IGSF9: variants seen among roughly 807,000 people sequenced by gnomAD.
The protein encoded by IGSF9 is immunoglobulin superfamily member 9.
IGSF9 carries 87 observed loss-of-function variants against 121.7 expected under a neutral mutation model. The observed-to-expected ratio is 0.71, with a 90% confidence interval of 0.60 to 0.85. IGSF9 has a LOEUF of 0.85. IGSF9 is among the 40% of genes least tolerant of loss of function. The pLI is 0.00. For missense variants in IGSF9, 1,462 were observed against 1,565.3 expected (o/e 0.93, Z 1.11); for synonymous variants, 640 against 648.4 (o/e 0.99, Z 0.20).
chr1:159,928,135 G>T (rs1245534277), intron 19 of IGSF9, 23 bp downstream of exon 19: 1 of 1,598,644 alleles, frequency 6.3e-7, no homozygotes, highest in Admixed American at 1.7e-5. Context: ...GCGGAGGCAG[G>T]GATGGGCAGG....
rs187738116 is a variant in IGSF9 at position 159,938,634 on chromosome 1, C to T, written c.248-796G>A. Among the ~76,000 whole-genome samples the T allele has an allele frequency of 3.6e-3, 544 of 152,342 alleles. 16 individuals carry two copies. The highest frequency in any genetic ancestry group is 0.032 in the Admixed American group (494 of 15,302). ...CCCAGACAGCTTCATGGGTCCCTGG[C>T]AGTGTAGCCTCGTGATACAAGCACA... On this transcript the variant is annotated intron_variant, in intron 3 of 20. Transcript: ENST00000368094.
chr1:159,932,286 C>T lies in IGSF9; in HGVS notation c.1245+226G>A. 1.7e-6 allele frequency: 1 copy of T among 594,470 alleles called. No individual in the cohort carries two copies. Among genetic ancestry groups the T allele is most frequent in the Non-Finnish European group, 3.0e-6 (1 of 334,674 alleles). The allele number at this position is 594,470 out of a possible 1,614,324, so 36.8% of individuals were successfully genotyped here. Reference sequence around the variant, plus strand: ...GTGAGAGTTGGGGCAAACAGGATATCTTACTTCTGGATGTGTGTGACTGAT... The same window carrying T: ...GTGAGAGTTGGGGCAAACAGGATATTTTACTTCTGGATGTGTGTGACTGAT... On this transcript the variant is annotated intron_variant, in intron 10 of 20. Coordinates refer to ENST00000368094, the MANE Select transcript of IGSF9 (RefSeq NM_001135050.2). This position sits in a 1 kb window ranked among gnomAD's most constrained non-coding sequence, Gnocchi z 4.1.
chr1:159,928,894 C>A lies in IGSF9; in HGVS notation c.2494G>T (p.Asp832Tyr), dbSNP rs759663806. 4.4e-6 allele frequency: 7 copies of A among 1,594,824 alleles called. No individual in the cohort carries two copies. Among genetic ancestry groups the A allele is most frequent in the Admixed American group, 1.8e-5 (1 of 57,050 alleles). ...AAGGGTCCCCGGCTAGATGGAGGAT[C>A]CGGGTGGGGGCTGGGAGTTCCGGCA... Reference protein sequence around the residue: ...DPAGTPSPHPDPPSSRGPLPL... With the variant: ...DPAGTPSPHPYPPSSRGPLPL... The change falls in exon 19 of 21, where the codon GAT (aspartate) becomes TAT (tyrosine). Residue 832 changes from aspartate (D) to tyrosine (Y), a missense_variant. By Grantham distance (160) the Asp-to-Tyr change is radical (BLOSUM62 -3). Transcript: ENST00000368094.
chr1:159,943,263 C>T (rs41264841), intron 2 of IGSF9, 112 bp from the exon 3 acceptor site: 171,539 of 1,305,600 alleles, frequency 0.13, 12,276 homozygotes, highest in Middle Eastern at 0.15. Flanking sequence ...CTGGAGAAAC[C>T]CCCAGTTCAG....
chr1:159,927,932 A>G (rs1472122331), intron 19 of IGSF9, 45 bp from the exon 20 acceptor site: 5 of 1,592,422 alleles, frequency 3.1e-6, no homozygotes, highest in Non-Finnish European at 3.4e-6. Context: ...TGGGTGGAGG[A>G]ATAGAGGCTG....
chr1:159,938,414 C>T (rs910025688), intron 3 of IGSF9, among the ~76,000 whole-genome samples: 5 of 152,180 alleles, frequency 3.3e-5, no homozygotes, highest in Admixed American at 1.3e-4. Flanking sequence ...GCAGCCTCCT[C>T]GCCCTATCCT....
At position 159,929,724 on chromosome 1, in the gene IGSF9, C is replaced by T. The variant is rs548722737; in HGVS notation, c.2240G>A (p.Gly747Glu). 1 of 1,602,742 alleles carries T rather than the reference C, an allele frequency of 6.2e-7. No homozygotes were observed. The highest frequency in any genetic ancestry group is 8.5e-7 in the Non-Finnish European group (1 of 1,175,606). ...AGVVGGVCFL[G>E]VAVLVSILAG... ...CAGGATGCTCACAAGGACGGCCACT[C>T]CCAGAAAGCAGACTCCGCCCACCAC... Residue 747 changes from glycine (G) to glutamate (E), a missense_variant, in exon 17 of 21, where the codon GGA (glycine) becomes GAA (glutamate). Gly to Glu is a moderately conservative substitution (Grantham distance 98, BLOSUM62 -2). Transcript: ENST00000368094.
chr1:159,934,408 G>A lies in IGSF9; in HGVS notation c.961+17C>T, dbSNP rs760400051. On this transcript the variant is annotated intron_variant, in intron 8 of 20. Transcript: ENST00000368094. ...GGGAAGGGAGCAGGCTGAGGGAGAA[G>A]CTGGGGTCAGGCTTACAGAGCACAG... 6.4e-7 allele frequency: 1 copy of A among 1,571,956 alleles called. No homozygotes were observed. The highest frequency in any genetic ancestry group is 1.2e-5 in the South Asian group (1 of 86,234).
chr1:159,933,840 C>T (rs921762346), intron 9 of IGSF9: 1 of 333,972 alleles, frequency 3.0e-6, no homozygotes. Flanking sequence ...CCCACTACCC[C>T]ACACAGCACC....
rs772129548 is a variant in IGSF9 at position 159,934,614 on chromosome 1, C to T, written c.816-44G>A. ...GAGGAGGGGTCCAGGCCTTGCCCAG[C>T]CAAGCGGCTCTTCAGAGACTGTTTG... On this transcript the variant is annotated intron_variant, in intron 7 of 20. Transcript: ENST00000368094. 3 of 1,613,202 alleles carry T rather than the reference C, an allele frequency of 1.9e-6. No individual in the cohort carries two copies. The East Asian group carries it at 6.7e-5, about 36-fold the overall frequency.
At chr1:159,930,049 C>G in intron 15 of IGSF9, 74 bp from the exon 16 acceptor site, 5 of 1,562,304 alleles carry the variant, frequency 3.2e-6, no homozygotes, top group South Asian at 2.3e-5. Flanking sequence ...GCGGAAAGAC[C>G]GTGCACGTGG....
At position 159,927,423 on chromosome 1, in the gene IGSF9, G is replaced by A; in HGVS notation, c.3462C>T (p.Arg1154=). ...ALREEFLAFR[R]RRDATRARLP... ...GCCGAGCCCTAGTAGCATCTCGGCG[G>A]CGGCGGAAGGCCAGGAATTCCTCCC... Residue 1154 remains arginine, a synonymous_variant, in exon 21 of 21, where the codon CGC becomes CGT. Transcript: ENST00000368094. 1 of 1,614,136 alleles carries A rather than the reference G, an allele frequency of 6.2e-7. No homozygotes were observed. Among genetic ancestry groups the A allele is most frequent in the Non-Finnish European group, 8.5e-7 (1 of 1,180,032 alleles).
intron 3 of IGSF9, 24 bp downstream of exon 3, chr1:159,942,939 C>T (rs1383913137): frequency 1.2e-6 from 2 of 1,603,186 alleles, no homozygotes; most frequent in Non-Finnish European, 8.5e-7. Context: ...ACCTCCCTAC[C>T]TCCCACCTGA....
intron 3 of IGSF9, among the ~76,000 whole-genome samples, chr1:159,941,933 A>T (rs1403497539): frequency 3.9e-5 from 6 of 152,168 alleles, no homozygotes; most frequent in Admixed American, 3.9e-4. Flanking sequence ...CTTCTGCATC[A>T]CCTGCCTGCA....
In IGSF9 at chr1:159,932,493, C is replaced by T. The variant is rs779306034; in HGVS notation, c.1245+19G>A. ...CTGACCCACTGTCACCACAGGCCCC[C>T]GCCCACCCCCGGCCTAACCTTGAGC... On this transcript the variant is annotated intron_variant, in intron 10 of 20. Coordinates refer to ENST00000368094, the MANE Select transcript of IGSF9 (RefSeq NM_001135050.2). The surrounding 1 kb of genome is among the most constrained non-coding windows in gnomAD (Gnocchi z 4.1). The T allele has an allele frequency of 5.0e-6, 8 of 1,613,212 alleles. No individual in the cohort carries two copies. The highest frequency in any genetic ancestry group is 1.1e-5 in the South Asian group (1 of 91,022).
chr1:159,930,150 C>A, intron 15 of IGSF9, 39 bp downstream of exon 15: 1 of 1,569,766 alleles, frequency 6.4e-7, no homozygotes. Context: ...GCAGGAGAGC[C>A]CCTAGGAGGC....
chr1:159,939,473 G>C (rs966389719), intron 3 of IGSF9, among the ~76,000 whole-genome samples: 1 of 152,154 alleles, frequency 6.6e-6, no homozygotes, highest in East Asian at 1.9e-4. Flanking sequence ...GGATCCTCCT[G>C]CCTCAGCCTC....
intron 4 of IGSF9, 124 bp downstream of exon 4, chr1:159,937,562 G>A: frequency 9.6e-7 from 1 of 1,046,882 alleles, no homozygotes; most frequent in Non-Finnish European, 1.4e-6. Flanking sequence ...CTCAGGAAGG[G>A]TGGGGCATCA....
chr1:159,941,503 C>T (rs1651379363), intron 3 of IGSF9, among the ~76,000 whole-genome samples: 1 of 152,264 alleles, frequency 6.6e-6, no homozygotes, highest in South Asian at 2.1e-4. Context: ...CTACTGCTCA[C>T]AGCCCCTGTA....
Sources: gnomAD v4.1 joint callset for allele counts (sites outside exome capture counted in the v4.1 genomes callset) on GRCh38, gnomAD v4.1.1 for gene constraint, Gnocchi (gnomAD v3.1) non-coding constraint, MANE v1.5 for transcripts, NCBI Gene and HGNC (gene_info 2026-07-23, HGNC 2026-07-21) for gene names.